Variants in OSBPL10 observed in about 807,000 individuals in gnomAD.
The protein encoded by OSBPL10 is oxysterol-binding protein-related protein 10.
A neutral mutation model predicts 81.7 loss-of-function variants in OSBPL10; 49 were observed. The ratio of observed to expected loss-of-function variants is 0.60; its 90% CI spans 0.48 to 0.76. The LOEUF is 0.76. Among genes scored for constraint, OSBPL10 ranks in the 30% least tolerant of loss-of-function variants. The probability of loss-of-function intolerance (pLI) is 0.00; values close to 1 mark genes in which losing one functional copy is unlikely to be tolerated. For synonymous variants in OSBPL10, 419 were observed against 383.6 expected (o/e 1.09, Z -1.08); for missense variants, 923 against 987.8 (o/e 0.93, Z 0.88).
chr3:32,041,380 A>C (rs1024631698), intron 2 of OSBPL10, among the ~76,000 whole-genome samples: 2 of 152,164 alleles, frequency 1.3e-5, no homozygotes, highest in Admixed American at 6.5e-5. Flanking sequence ...TCCAGTCTAC[A>C]TTTCCAACCC....
In OSBPL10 at chr3:31,703,714, G is replaced by T. The variant is rs183928941; in HGVS notation, c.1096-1206C>A. ...TTTTAAAACTTCAACGTAAATAGAC[G>T]TTTTCCACAGACATACTCCTAAGGT... On this transcript the variant is annotated intron_variant, in intron 6 of 11. Coordinates refer to ENST00000396556, the MANE Select transcript of OSBPL10 (RefSeq NM_017784.5). 4.6e-5 allele frequency: 7 copies of T among 152,168 alleles called. No homozygotes were observed. The East Asian group carries it at 5.8e-4, about 13-fold the overall frequency. The allele number at this position is 152,168 out of a possible 1,614,324, so 9.4% of individuals were successfully genotyped here.
At chr3:31,914,668 G>GA (rs1696698090) in intron 1 of OSBPL10, among the ~76,000 whole-genome samples, 1 of 152,124 alleles carries the variant, frequency 6.6e-6, no homozygotes, top group Non-Finnish European at 1.5e-5. Flanking sequence ...TTCTAAATAT[G>GA]AAGACTAGAA....
chr3:31,706,676 C>T (rs954040604), intron 6 of OSBPL10, among the ~76,000 whole-genome samples: 1 of 152,170 alleles, frequency 6.6e-6, no homozygotes, highest in Non-Finnish European at 1.5e-5. Flanking sequence ...AAACATTTAG[C>T]TTTGCTTTCA....
rs574112153 is a variant in OSBPL10, at chr3:31,902,258, ATTTTTTTTTTTT to A, written c.282-22440_282-22429del. 7.4e-4 allele frequency among the ~76,000 whole-genome samples: 87 copies of A among 117,960 alleles called. 4 individuals carry two copies. Among genetic ancestry groups the A allele is most frequent in the African/African-American group, 2.7e-3 (80 of 30,010 alleles). The allele number at this position is 117,960 out of a possible 152,430, so 77.4% of individuals were successfully genotyped here. On this transcript the variant is annotated intron_variant, in intron 1 of 11. Transcript: ENST00000396556. The stretch of plus-strand genomic sequence containing the variant: ...TACTAAGAGGCTGCTTCTTGTCAGT[ATTTTTTTTTTTT>A]TTTTTTTTTGGAGACGGAGTCCCAC...
At chr3:31,959,199 G>C (rs754057068) in intron 1 of OSBPL10, among the ~76,000 whole-genome samples, 51 of 152,140 alleles carry the variant, frequency 3.4e-4, no homozygotes, top group Admixed American at 5.9e-4. Context: ...ACAGAGAAAA[G>C]TCTCAAATTT....
intron 5 of OSBPL10, among the ~76,000 whole-genome samples, chr3:31,743,457 T>C (rs1697421267): frequency 6.6e-6 from 1 of 152,160 alleles, no homozygotes; most frequent in African/African-American, 2.4e-5. Context: ...AGCCCAAATG[T>C]ATAGATGGGA....
At chr3:32,060,080 C>CTATA (rs3081642) in intron 1 of OSBPL10, among the ~76,000 whole-genome samples, 2,318 of 147,542 alleles carry the variant, frequency 0.016, 18 homozygotes, top group Non-Finnish European at 0.025. Flanking sequence ...AGTCAATGAG[C>CTATA]TATATATATA....
chr3:31,794,040 G>A (rs1699111852), intron 4 of OSBPL10, among the ~76,000 whole-genome samples: 1 of 152,190 alleles, frequency 6.6e-6, no homozygotes, highest in Non-Finnish European at 1.5e-5. Context: ...TTGGCACAGT[G>A]GTGGCTGAAC....
intron 8 of OSBPL10, among the ~76,000 whole-genome samples, chr3:31,675,508 C>G (rs1425706495): frequency 6.6e-6 from 1 of 152,124 alleles, no homozygotes; most frequent in Non-Finnish European, 1.5e-5. Context: ...CCATGGCTGT[C>G]GTAAAGATGG....
intron 8 of OSBPL10, among the ~76,000 whole-genome samples, chr3:31,682,586 G>A (rs1700680315): frequency 6.6e-6 from 1 of 152,190 alleles, no homozygotes; most frequent in South Asian, 2.1e-4. Context: ...ACCTTAGTGA[G>A]GCCTTCCCAC....
At chr3:31,784,440 A>G (rs1698807617) in intron 4 of OSBPL10, among the ~76,000 whole-genome samples, 1 of 152,164 alleles carries the variant, frequency 6.6e-6, no homozygotes, top group Non-Finnish European at 1.5e-5. Context: ...AAAAAAACTC[A>G]GCTCACTGGA....
intron 2 of OSBPL10, among the ~76,000 whole-genome samples, chr3:32,038,749 T>C (rs1395613907): frequency 2.6e-5 from 4 of 152,174 alleles, no homozygotes; most frequent in Admixed American, 2.6e-4. Context: ...TAAAACTGGA[T>C]TGTGGTGATG....
At chr3:31,776,684 G>A (rs940462658) in intron 4 of OSBPL10, among the ~76,000 whole-genome samples, 3 of 152,124 alleles carry the variant, frequency 2.0e-5, no homozygotes, top group Non-Finnish European at 4.4e-5. Context: ...TAAGTGAAAG[G>A]AGACATAAAA....
intron 6 of OSBPL10, among the ~76,000 whole-genome samples, chr3:31,728,305 A>G (rs1407438775): frequency 6.6e-6 from 1 of 152,212 alleles, no homozygotes; most frequent in African/African-American, 2.4e-5. Context: ...AGGGGTTGAT[A>G]GGAGTTGACA....
chr3:31,693,104 T>C (rs1039854232), intron 7 of OSBPL10, among the ~76,000 whole-genome samples: 3 of 152,088 alleles, frequency 2.0e-5, no homozygotes, highest in Non-Finnish European at 4.4e-5. Flanking sequence ...GAAAACCAGA[T>C]TCAGGGAGAA....
At chr3:31,739,137 A>C (rs1697270220) in intron 5 of OSBPL10, among the ~76,000 whole-genome samples, 1 of 152,168 alleles carries the variant, frequency 6.6e-6, no homozygotes, top group Admixed American at 6.5e-5. Context: ...ATCACTGCAT[A>C]CCACAATCTT....
intron 1 of OSBPL10, among the ~76,000 whole-genome samples, chr3:31,909,982 C>CTTT (rs563373548): frequency 2.3e-5 from 3 of 129,302 alleles, no homozygotes; most frequent in Non-Finnish European, 4.8e-5. Flanking sequence ...GTCTCCTGGC[C>CTTT]TTTTTTTTTT....
At chr3:31,950,236 A>G (rs1204523328) in intron 1 of OSBPL10, among the ~76,000 whole-genome samples, 1 of 152,248 alleles carries the variant, frequency 6.6e-6, no homozygotes, top group East Asian at 1.9e-4. Context: ...ATAAGTATGC[A>G]GAATATATAA....
chr3:31,965,628 T>G (rs867519758), intron 1 of OSBPL10, among the ~76,000 whole-genome samples: 1 of 77,398 alleles, frequency 1.3e-5, no homozygotes, highest in Non-Finnish European at 2.1e-5. Flanking sequence ...TTATATATTA[T>G]ATAATATATT....
Sources: gnomAD v4.1 joint callset for allele counts (sites outside exome capture counted in the v4.1 genomes callset) on GRCh38, gnomAD v4.1.1 for gene constraint, MANE v1.5 for transcripts, NCBI Gene and HGNC (gene_info 2026-07-23, HGNC 2026-07-21) for gene names.